The following ZDHHC15 variants were observed in gnomAD, a reference collection of about 807,000 sequenced individuals.
ZDHHC15 encodes zDHHC palmitoyltransferase 15.
ZDHHC15 carries 19 observed loss-of-function variants against 31.7 expected under a neutral mutation model. That is an observed-to-expected ratio of 0.60 (90% CI 0.42 to 0.88). The LOEUF (loss-of-function observed/expected upper bound fraction) is 0.88, where lower values mean the gene tolerates loss of function less well. ZDHHC15 is among the 40% of genes least tolerant of loss of function. The pLI is 0.00. For synonymous variants in ZDHHC15, 103 were observed against 90.0 expected (o/e 1.14, Z -0.82); for missense variants, 209 against 251.2 (o/e 0.83, Z 1.14).
intron 9 of ZDHHC15, 33 bp downstream of exon 9, chrX:75,421,831 T>TACTA: frequency 8.3e-7 from 1 of 1,203,932 alleles, no homozygotes; most frequent in Non-Finnish European, 1.1e-6. Context: ...CAGGGTCCAG[T>TACTA]ACTAACTTCT....
At chrX:75,420,989 T>C (rs1200106821) in intron 9 of ZDHHC15, among the ~76,000 whole-genome samples, 2 of 110,383 alleles carry the variant, frequency 1.8e-5, no homozygotes, top group Non-Finnish European at 3.8e-5. Flanking sequence ...TTAATCTTTG[T>C]TCTTGCTTTT....
chrX:75,515,273 G>GA (rs2085338492), intron 1 of ZDHHC15, among the ~76,000 whole-genome samples: 1 of 109,399 alleles, frequency 9.1e-6, no homozygotes, highest in African/African-American at 3.3e-5. Context: ...ACACAACAAA[G>GA]AAAAAAAAGA....
intron 4 of ZDHHC15, among the ~76,000 whole-genome samples, chrX:75,433,744 G>A (rs994657991): frequency 9.4e-6 from 1 of 105,896 alleles, no homozygotes; most frequent in Non-Finnish European, 1.9e-5. Context: ...TTCACTCATT[G>A]GTTTGGGCTG....
chrX:75,395,721 C>G (rs976397085), intron 10 of ZDHHC15, among the ~76,000 whole-genome samples: 1 of 110,970 alleles, frequency 9.0e-6, no homozygotes, highest in Admixed American at 9.6e-5. Flanking sequence ...CACAAAAGAC[C>G]CAGAATAGCC....
rs1408744882 is a variant in ZDHHC15 at position 75,421,889 on chromosome X, ACTT to A, written c.835_837del (p.Lys279del). ...CTGGAACCAATAGGTATTAACCAGA[ACTT>A]CTTCTTATCTCCAAACACCTGCTGG... On this transcript the variant is annotated inframe_deletion, in exon 9 of 12. Transcript: ENST00000373367. 7 of 1,207,979 alleles carry A rather than the reference ACTT, an allele frequency of 5.8e-6. No homozygotes were observed. The highest frequency in any genetic ancestry group is 1.8e-5 in the African/African-American group (1 of 56,858).
At chrX:75,439,992 T>A (rs1296618634) in intron 4 of ZDHHC15, among the ~76,000 whole-genome samples, 1 of 111,011 alleles carries the variant, frequency 9.0e-6, no homozygotes, top group African/African-American at 3.3e-5. Context: ...TACTGGGGAG[T>A]GTCTGCAAAG....
intron 1 of ZDHHC15, among the ~76,000 whole-genome samples, chrX:75,518,830 C>G (rs1442093698): frequency 1.1e-5 from 1 of 94,239 alleles, no homozygotes; most frequent in Non-Finnish European, 2.1e-5. Flanking sequence ...CACACACACA[C>G]ACACACACAC....
chrX:75,413,652 G>A (rs1180913100), intron 10 of ZDHHC15, among the ~76,000 whole-genome samples: 2 of 105,700 alleles, frequency 1.9e-5, no homozygotes, highest in South Asian at 8.6e-4. Flanking sequence ...ATGACAGAGC[G>A]AGACTCCGTC....
At chrX:75,510,624 G>A (rs1368994261) in intron 1 of ZDHHC15, among the ~76,000 whole-genome samples, 1 of 88,279 alleles carries the variant, frequency 1.1e-5, no homozygotes, top group Admixed American at 1.4e-4. Flanking sequence ...TGTGCACATT[G>A]TGCAGGTTAG....
intron 6 of ZDHHC15, 86 bp downstream of exon 6, chrX:75,429,862 G>T: frequency 2.1e-6 from 2 of 954,963 alleles, no homozygotes; most frequent in Non-Finnish European, 2.9e-6. Context: ...GCAGAAACAG[G>T]CATGTGACAA....
intron 2 of ZDHHC15, among the ~76,000 whole-genome samples, chrX:75,480,050 T>C (rs966044968): frequency 3.3e-4 from 37 of 111,091 alleles, no homozygotes; most frequent in Admixed American, 2.6e-3. Context: ...CCTTAAATGG[T>C]ATGGTCTTAT....
chrX:75,449,326 CA>C (rs1188378606), intron 4 of ZDHHC15, among the ~76,000 whole-genome samples: 13 of 109,743 alleles, frequency 1.2e-4, no homozygotes, highest in African/African-American at 4.3e-4. Context: ...TTTAAGTCTT[CA>C]AATAGTATTT....
At chrX:75,487,965 T>C (rs1227091036) in intron 2 of ZDHHC15, among the ~76,000 whole-genome samples, 1 of 112,049 alleles carries the variant, frequency 8.9e-6, no homozygotes, top group Non-Finnish European at 1.9e-5. Context: ...ATTAAACCAA[T>C]CTGACAAAGA....
chrX:75,429,257 A>G, intron 6 of ZDHHC15, 59 bp from the exon 7 acceptor site: 1 of 1,131,684 alleles, frequency 8.8e-7, no homozygotes. Context: ...GCACACTGAT[A>G]CATAAGTGAA....
At chrX:75,374,687 G>GTGTGTA (rs745526466) in intron 11 of ZDHHC15, among the ~76,000 whole-genome samples, 1,197 of 91,631 alleles carry the variant, frequency 0.013, 25 homozygotes, top group African/African-American at 0.043. Flanking sequence ...GTGTGTGTGT[G>GTGTGTA]TATATATATA....
chrX:75,509,491 T>C lies in ZDHHC15; in HGVS notation c.137-3644A>G, dbSNP rs1013246779. Reference sequence around the variant, plus strand: ...TCAAAAGGGACTTGTGAAAGGAGAGTAGGAAGTTTGAAAATATCCAGTGAG... The same window carrying C: ...TCAAAAGGGACTTGTGAAAGGAGAGCAGGAAGTTTGAAAATATCCAGTGAG... On this transcript the variant is annotated intron_variant, in intron 1 of 11. Transcript: ENST00000373367. Among the ~76,000 whole-genome samples, 13 of 111,504 alleles carry C rather than the reference T, an allele frequency of 1.2e-4. 1 individual carries two copies. Among genetic ancestry groups the C allele is most frequent in the African/African-American group, 1.6e-4 (5 of 30,742 alleles).
intron 7 of ZDHHC15, among the ~76,000 whole-genome samples, chrX:75,425,932 G>T (rs1348358935): frequency 9.0e-6 from 1 of 111,395 alleles, no homozygotes; most frequent in Admixed American, 9.6e-5. Flanking sequence ...CTTATCTTCA[G>T]CCAGTCAGAT....
In ZDHHC15 at chrX:75,396,824, C is replaced by T. The variant is rs545158276; in HGVS notation, c.968-17626G>A. Among the ~76,000 whole-genome samples the T allele has an allele frequency of 1.4e-4, 16 of 111,502 alleles. No individual in the cohort carries two copies. The South Asian group carries it at 5.7e-3, about 40-fold the overall frequency. On this transcript the variant is annotated intron_variant, in intron 10 of 11. Coordinates refer to ENST00000373367, the MANE Select transcript of ZDHHC15 (RefSeq NM_144969.3). The stretch of plus-strand genomic sequence containing the variant: ...TGAGCCATAAAAAAATAATGAAATC[C>T]TGTTATTTGCAACAACATGGATGGA...
chrX:75,470,582 G>T (rs928599518), intron 3 of ZDHHC15, among the ~76,000 whole-genome samples: 9 of 111,416 alleles, frequency 8.1e-5, no homozygotes, highest in Middle Eastern at 4.2e-3. Flanking sequence ...CTGGACACTG[G>T]CTCTGAGCTG....
Sources: gnomAD v4.1 joint callset for allele counts (sites outside exome capture counted in the v4.1 genomes callset) on GRCh38, gnomAD v4.1.1 for gene constraint, MANE v1.5 for transcripts, NCBI Gene and HGNC (gene_info 2026-07-23, HGNC 2026-07-21) for gene names.